Variants in WNK1 observed in about 807,000 individuals in gnomAD.
WNK1 encodes the protein WNK lysine deficient protein kinase 1, also known as serine/threonine-protein kinase WNK1.
A neutral mutation model predicts 222.8 loss-of-function variants in WNK1; 38 were observed. The ratio of observed to expected loss-of-function variants is 0.17; its 90% CI spans 0.13 to 0.22. The LOEUF is 0.22. Ranked by LOEUF, WNK1 falls within the 10% of genes least tolerant of loss-of-function variation. The pLI is 1.00. For synonymous variants in WNK1, 1,090 were observed against 1,092.9 expected (o/e 1.00, Z 0.05); for missense variants, 2,348 against 2,918.4 (o/e 0.80, Z 4.50).
chr12:903,982 A>G (rs1221033876), intron 26 of WNK1, among the ~76,000 whole-genome samples: 1 of 152,236 alleles, frequency 6.6e-6, no homozygotes, highest in Non-Finnish European at 1.5e-5. Context: ...GCCAATTTAA[A>G]TGAACTTAAA....
At chr12:904,866 G>A (rs1273532243) in intron 26 of WNK1, among the ~76,000 whole-genome samples, 1 of 152,180 alleles carries the variant, frequency 6.6e-6, no homozygotes, top group African/African-American at 2.4e-5. Flanking sequence ...GCCCTCCCAC[G>A]TTCACACTGA....
intron 23 of WNK1, among the ~76,000 whole-genome samples, chr12:895,338 G>C (rs1954645024): frequency 6.6e-6 from 1 of 152,058 alleles, no homozygotes; most frequent in Non-Finnish European, 1.5e-5. Flanking sequence ...TGATTCTTGA[G>C]GCATACCAGG....
Position 885,445 on chromosome 12 carries a change from A to T in WNK1, c.4641A>T (p.Pro1547=), listed in dbSNP as rs757392386. The T allele has an allele frequency of 6.2e-7, 1 of 1,613,774 alleles. No individual in the cohort carries two copies. Residue 1547 remains proline, a synonymous_variant, in exon 19 of 28, where the codon CCA becomes CCT. Coordinates refer to ENST00000315939, the MANE Select transcript of WNK1 (RefSeq NM_018979.4). ...GATTGGCTTTCTCCCTCTCTGCACC[A>T]TCTTCCTCTTCCTCTCCTGGAGCAG... ...TTGLAFSLSA[P]SSSSSPGAGV...
At position 804,718 on chromosome 12, in the gene WNK1, C is replaced by T. The variant is rs573073884; in HGVS notation, c.760-8924C>T. ...CTTAAAAACTGAGTCCCCATTGTCC[C>T]CTTTCCCTGGTCCCTGGCAACCTTT... On this transcript the variant is annotated intron_variant, in intron 1 of 27. Coordinates refer to ENST00000315939, the MANE Select transcript of WNK1 (RefSeq NM_018979.4). Among the ~76,000 whole-genome samples the T allele has an allele frequency of 2.9e-4, 44 of 152,084 alleles. No individual in the cohort carries two copies. In the South Asian group the frequency reaches 3.7e-3, roughly 13 times the overall value.
chr12:797,806 G>T (rs1241374451), intron 1 of WNK1, among the ~76,000 whole-genome samples: 1 of 151,758 alleles, frequency 6.6e-6, no homozygotes. Context: ...AAAATTAGCC[G>T]GGCATGGTGG....
intron 2 of WNK1, among the ~76,000 whole-genome samples, chr12:822,302 C>T (rs1947965517): frequency 6.6e-6 from 1 of 152,092 alleles, no homozygotes; most frequent in South Asian, 2.1e-4. Flanking sequence ...CCACGTTGGT[C>T]AGGCTGGTCT....
intron 9 of WNK1, among the ~76,000 whole-genome samples, chr12:875,707 A>G (rs1490403200): frequency 6.6e-6 from 1 of 152,234 alleles, no homozygotes; most frequent in Non-Finnish European, 1.5e-5. Flanking sequence ...GATACAACTT[A>G]GATGGAATGT....
chr12:897,485 C>G lies in WNK1; in HGVS notation c.6252C>G (p.Leu2084=). The change falls in exon 25 of 28, where the codon CTC becomes CTG. Residue 2084 remains leucine (L), a synonymous_variant. Coordinates refer to ENST00000315939, the MANE Select transcript of WNK1 (RefSeq NM_018979.4). ...GTTTGGTTATCTTTCACAGACATCTCAAAGAGATTCAGGACCTGCAGAGTC... is the reference window on the plus strand; with the variant it reads ...GTTTGGTTATCTTTCACAGACATCTGAAAGAGATTCAGGACCTGCAGAGTC... ...LELRRLRDKH[L]KEIQDLQSRQ... 5 of 1,588,202 alleles carry G rather than the reference C, an allele frequency of 3.1e-6. No individual in the cohort carries two copies. Among genetic ancestry groups the G allele is most frequent in the Non-Finnish European group, 2.6e-6 (3 of 1,156,442 alleles).
In WNK1 at chr12:757,959, C is replaced by T. The variant is rs1488656890; in HGVS notation, c.759+3635C>T. ...CTGAGGCAGGAGAATTGTTTGAACC[C>T]GGGAGGCAGAGGTTGCAGTGAGTCG... On this transcript the variant is annotated intron_variant, in intron 1 of 27. Transcript: ENST00000315939. Among the ~76,000 whole-genome samples, 4 of 142,908 alleles carry T rather than the reference C, an allele frequency of 2.8e-5. 1 individual carries two copies. Among genetic ancestry groups the T allele is most frequent in the Non-Finnish European group, 6.2e-5 (4 of 64,790 alleles). 93.8% of individuals were successfully genotyped at this position (142,908 alleles called of 152,430 possible). A position where few individuals can be genotyped will look rare whatever the true frequency, so the allele number is the denominator to read the frequency against.
rs1591886824 is a variant in WNK1, at chr12:827,584, A to G, written c.1153+322A>G. ...CTCTCTGTCACCCAGGCTAGAGTGC[A>G]GTGGCACAATCTCAGCTCACTGCAA... On this transcript the variant is annotated intron_variant, in intron 3 of 27. Transcript: ENST00000315939. The surrounding 1 kb of genome is among the most constrained non-coding windows in gnomAD (Gnocchi z 4.6). The G allele has an allele frequency of 2.6e-6, 1 of 385,334 alleles. No homozygotes were observed. Among genetic ancestry groups the G allele is most frequent in the Non-Finnish European group, 4.7e-6 (1 of 211,286 alleles). The allele number at this position is 385,334 out of a possible 1,614,324, so 23.9% of individuals were successfully genotyped here.
chr12:894,547 A>G lies in WNK1; in HGVS notation c.5510-15A>G. ...GGAGACACTTATGTTTTCCTCATCC[A>G]TGTATTTGTTTCAGTTTCTCAAGTC... On this transcript the variant is annotated splice_polypyrimidine_tract_variant and intron_variant, in intron 22 of 27. Transcript: ENST00000315939. 1 of 1,609,992 alleles carries G rather than the reference A, an allele frequency of 6.2e-7. No homozygotes were observed.
At chr12:866,601 C>A (rs1014301245) in intron 8 of WNK1, among the ~76,000 whole-genome samples, 2 of 152,152 alleles carry the variant, frequency 1.3e-5, no homozygotes, top group East Asian at 3.9e-4. Flanking sequence ...ACATTGTGAT[C>A]CACCCCCTTC....
At chr12:834,202 T>C (rs1591923886) in intron 4 of WNK1, among the ~76,000 whole-genome samples, 1 of 152,010 alleles carries the variant, frequency 6.6e-6, no homozygotes, top group Non-Finnish European at 1.5e-5. Context: ...TCAAATAGAG[T>C]GAAGCTGTTG....
intron 6 of WNK1, among the ~76,000 whole-genome samples, 168 bp downstream of exon 6, chr12:859,632 G>GTGTGTGTGTGTCGT (rs369513114): frequency 4.9e-5 from 6 of 122,658 alleles, no homozygotes; most frequent in Middle Eastern, 4.5e-3. Flanking sequence ...GTGTGTGTGT[G>GTGTGTGTGTGTCGT]TTTTTTTTTT....
intron 27 of WNK1, 31 bp downstream of exon 27, chr12:908,065 T>C (rs561642439): frequency 6.2e-7 from 1 of 1,611,216 alleles, no homozygotes; most frequent in African/African-American, 1.3e-5. Flanking sequence ...AGAGAATCCG[T>C]AACACACATC....
chr12:902,154 C>A (rs1259969793), intron 26 of WNK1, among the ~76,000 whole-genome samples: 1 of 151,522 alleles, frequency 6.6e-6, no homozygotes, highest in African/African-American at 2.4e-5. Flanking sequence ...AAAAAGTTAG[C>A]CTGGCATGGT....
intron 1 of WNK1, among the ~76,000 whole-genome samples, chr12:778,426 G>A (rs1280164104): frequency 2.6e-5 from 4 of 151,684 alleles, no homozygotes; most frequent in Admixed American, 1.3e-4. Context: ...TCCACCTCCC[G>A]GGTTCAAGCA....
chr12:857,027 C>A, intron 4 of WNK1, 134 bp from the exon 5 acceptor site: 2 of 849,550 alleles, frequency 2.4e-6, no homozygotes, highest in Non-Finnish European at 3.9e-6. Flanking sequence ...ACTGCATGGA[C>A]CAACTCCTGC....
At chr12:878,072 A>G in intron 9 of WNK1, 140 bp from the exon 10 acceptor site, 3 of 1,029,930 alleles carry the variant, frequency 2.9e-6, no homozygotes, top group Non-Finnish European at 4.4e-6. Context: ...ATGGAAATTG[A>G]TGAATTTGGG....
Sources: allele counts gnomAD v4.1 joint callset (sites outside exome capture counted in the v4.1 genomes callset), GRCh38; gene constraint gnomAD v4.1.1; non-coding constraint Gnocchi (gnomAD v3.1); transcripts MANE v1.5; gene names NCBI Gene and HGNC (gene_info 2026-07-23, HGNC 2026-07-21).